AARSD1: variants seen among roughly 807,000 people sequenced by gnomAD.
AARSD1 encodes the protein alanyl-tRNA synthetase domain containing 1.
Under a neutral mutation model 48.7 loss-of-function variants are expected in AARSD1, and 44 were observed. The observed-to-expected ratio is 0.90, with a 90% CI of 0.71 to 1.16. The LOEUF (loss-of-function observed/expected upper bound fraction) is 1.16, where lower values mean the gene tolerates loss of function less well. AARSD1 is among the 50% of genes most tolerant of loss of function. The probability of loss-of-function intolerance (pLI) is 0.00; values close to 1 mark genes in which losing one functional copy is unlikely to be tolerated. For missense variants in AARSD1, 511 were observed against 523.1 expected (o/e 0.98, Z 0.23); for synonymous variants, 189 against 194.9 (o/e 0.97, Z 0.25).
chr17:42,960,453 G>T (rs906505280), intron 3 of AARSD1, among the ~76,000 whole-genome samples: 1 of 151,722 alleles, frequency 6.6e-6, no homozygotes, highest in Non-Finnish European at 1.5e-5. Context: ...CCAACATGCT[G>T]GGGGGGTGTG....
At chr17:42,954,558 C>T (rs2049521536) in intron 9 of AARSD1, among the ~76,000 whole-genome samples, 1 of 151,966 alleles carries the variant, frequency 6.6e-6, no homozygotes, top group Admixed American at 6.6e-5. Flanking sequence ...CCTCAGCCTC[C>T]TGAGTAGCTG....
intron 3 of AARSD1, among the ~76,000 whole-genome samples, chr17:42,958,266 C>A (rs1268213566): frequency 6.6e-6 from 1 of 152,094 alleles, no homozygotes; most frequent in Non-Finnish European, 1.5e-5. Flanking sequence ...CTTTGAGAGG[C>A]CAAGGCAAGT....
At chr17:42,956,091 G>A in intron 6 of AARSD1, 113 bp downstream of exon 6, 4 of 1,608,138 alleles carry the variant, frequency 2.5e-6, no homozygotes, top group Non-Finnish European at 3.4e-6. Context: ...AACAGTGAAG[G>A]GGAGATTTCA....
intron 6 of AARSD1, 94 bp from the exon 7 acceptor site, chr17:42,956,066 G>A (rs1366408536): frequency 1.2e-6 from 2 of 1,609,362 alleles, no homozygotes; most frequent in Non-Finnish European, 1.7e-6. Flanking sequence ...AAACCTATCT[G>A]TTCCTCAGCT....
Position 42,961,355 on chromosome 17 carries a change from G to A in AARSD1, c.172-4C>T. The A allele has an allele frequency of 2.5e-6, 4 of 1,613,996 alleles. No homozygotes were observed. In the South Asian group the frequency reaches 3.3e-5, roughly 13 times the overall value. On this transcript the variant is annotated splice_region_variant and splice_polypyrimidine_tract_variant and intron_variant, in intron 2 of 11. Transcript: ENST00000427569. ...TGATTGTACCACGGTCATCAGGCTG[G>A]TGGAAATAAGTAAACGTAATCAATG...
At position 42,951,930 on chromosome 17, in the gene AARSD1, GA is replaced by G. The variant is rs139606459; in HGVS notation, c.1009-37del. The G allele has an allele frequency of 3.4e-3, 5,524 of 1,607,118 alleles. 86 individuals carry two copies. Among genetic ancestry groups the G allele is most frequent in the African/African-American group, 0.03 (2,234 of 74,838 alleles). On this transcript the variant is annotated intron_variant, in intron 10 of 11. Coordinates refer to ENST00000427569, the MANE Select transcript of AARSD1 (RefSeq NM_001261434.2). ...AGACAAGGAGATAAGCTCTGATACT[GA>G]AGGATGTAGAGTCAACCCCCCAAAT... is the stretch of plus-strand genomic sequence containing the variant.
chr17:42,961,335 G>T lies in AARSD1; in HGVS notation c.188C>A (p.Thr63Lys). 1 of 1,614,078 alleles carries T rather than the reference G, an allele frequency of 6.2e-7. No individual in the cohort carries two copies. Among genetic ancestry groups the T allele is most frequent in the Non-Finnish European group, 8.5e-7 (1 of 1,179,986 alleles). Residue 63 changes from threonine (T) to lysine (K), a missense_variant, in exon 3 of 12, where the codon ACA (threonine) becomes AAA (lysine). By Grantham distance (78) the Thr-to-Lys change is moderately conservative (BLOSUM62 -1). Coordinates refer to ENST00000427569, the MANE Select transcript of AARSD1 (RefSeq NM_001261434.2). ...TCTCAGCACAGAGATGTCATTGATT[G>T]TACCACGGTCATCAGGCTGGTGGAA... ...EGGGQPDDRGTINDISVLRVT... is the reference protein window; with the variant it reads ...EGGGQPDDRGKINDISVLRVT...
At chr17:42,957,988 A>G (rs1183350852) in intron 3 of AARSD1, among the ~76,000 whole-genome samples, 2 of 152,098 alleles carry the variant, frequency 1.3e-5, no homozygotes, top group Non-Finnish European at 1.5e-5. Flanking sequence ...GCCTTAAGGA[A>G]GAAAGAAGTA....
chr17:42,955,716 C>T, intron 7 of AARSD1, 126 bp downstream of exon 7: 1 of 1,517,050 alleles, frequency 6.6e-7, no homozygotes, highest in East Asian at 2.3e-5. Context: ...GCTGGGATTA[C>T]AGATGTGGGC....
chr17:42,952,436 C>T (rs1350694699), intron 10 of AARSD1, among the ~76,000 whole-genome samples: 1 of 152,166 alleles, frequency 6.6e-6, no homozygotes, highest in Non-Finnish European at 1.5e-5. Flanking sequence ...TCTGTCTATA[C>T]AGAAGAATTA....
rs370491402 is a variant in AARSD1, at chr17:42,961,299, C to T, written c.224G>A (p.Arg75His). ...NDISVLRVTRRGEQADHFTQT... is the reference protein window; with the variant it reads ...NDISVLRVTRHGEQADHFTQT... Reference sequence around the variant, plus strand: ...GGTGAAATGATCAGCCTGTTCCCCACGGCGAGTCACTCTCAGCACAGAGAT... The same window carrying T: ...GGTGAAATGATCAGCCTGTTCCCCATGGCGAGTCACTCTCAGCACAGAGAT... Residue 75 changes from arginine (R) to histidine (H), a missense_variant, in exon 3 of 12, where the codon CGT (arginine) becomes CAT (histidine). Coordinates refer to ENST00000427569, the MANE Select transcript of AARSD1 (RefSeq NM_001261434.2). 4.5e-5 allele frequency: 72 copies of T among 1,614,036 alleles called. No individual in the cohort carries two copies. The highest frequency in any genetic ancestry group is 6.7e-5 in the East Asian group (3 of 44,898).
chr17:42,959,181 A>G (rs1215703158), intron 3 of AARSD1, among the ~76,000 whole-genome samples: 12 of 121,166 alleles, frequency 9.9e-5, no homozygotes, highest in African/African-American at 3.2e-4. Context: ...TGGGTGACAG[A>G]GCGAGACTTT....
At position 42,951,812 on chromosome 17, in the gene AARSD1, G is replaced by A. The variant is rs2049482483; in HGVS notation, c.1091C>T (p.Thr364Ile). Residue 364 changes from threonine to isoleucine, a missense_variant, in exon 11 of 12, where the codon ACC becomes ATC. Thr to Ile is a moderately conservative substitution (Grantham distance 89). Coordinates refer to ENST00000427569, the MANE Select transcript of AARSD1 (RefSeq NM_001261434.2). ...CACAAAGAATTACCTGGGCCCCAGG[G>A]TCTCCACAGACGCAGGTGGCCCTGC... ...LLAGPPASVE[T>I]LGPRVAEVLE... is the part of the protein sequence containing the mutation. 1.1e-5 allele frequency: 17 copies of A among 1,614,134 alleles called. No homozygotes were observed. Among genetic ancestry groups the A allele is most frequent in the Non-Finnish European group, 1.4e-5 (17 of 1,180,010 alleles).
intron 3 of AARSD1, 74 bp from the exon 4 acceptor site, chr17:42,957,269 C>T (rs2151941720): frequency 6.3e-7 from 1 of 1,583,166 alleles, no homozygotes; most frequent in Non-Finnish European, 8.6e-7. Flanking sequence ...ATATGAGCTA[C>T]AATGATAAAA....
chr17:42,953,646 G>T, intron 10 of AARSD1, 78 bp downstream of exon 10: 1 of 1,590,976 alleles, frequency 6.3e-7, no homozygotes, highest in Non-Finnish European at 8.6e-7. Flanking sequence ...GAGGGACTTT[G>T]GCTAAACTAG....
intron 6 of AARSD1, 44 bp downstream of exon 6, chr17:42,956,160 C>T (rs1314396705): frequency 1.9e-6 from 3 of 1,613,312 alleles, no homozygotes; most frequent in African/African-American, 2.7e-5. Flanking sequence ...TCCCCTCTCC[C>T]CCAATCCCTC....
chr17:42,959,801 C>A (rs1400226539), intron 3 of AARSD1, among the ~76,000 whole-genome samples: 1 of 151,758 alleles, frequency 6.6e-6, no homozygotes, highest in Non-Finnish European at 1.5e-5. Flanking sequence ...GCAGCTAGGA[C>A]TACAGGCGCG....
Position 42,955,844 on chromosome 17 carries a change from AAGCAG to A in AARSD1, c.787_791del (p.Leu263Ter). ...CGAAGGTACTGAAACAGGCATACTT[AAGCAG>A]AGCAGTCAGTGCTTTTTCAGTTCCA... On this transcript the variant is annotated frameshift_variant, in exon 7 of 12. Coordinates refer to ENST00000427569, the MANE Select transcript of AARSD1 (RefSeq NM_001261434.2). LOFTEE classifies it high-confidence loss of function. The A allele has an allele frequency of 6.2e-7, 1 of 1,614,104 alleles. No individual in the cohort carries two copies. Among genetic ancestry groups the A allele is most frequent in the Non-Finnish European group, 8.5e-7 (1 of 1,180,008 alleles).
chr17:42,963,852 T>C (rs1367065072), intron 2 of AARSD1, among the ~76,000 whole-genome samples: 1 of 152,190 alleles, frequency 6.6e-6, no homozygotes, highest in Non-Finnish European at 1.5e-5. Flanking sequence ...GCACACACAG[T>C]TGTCTTCAAT....
Sources: allele counts gnomAD v4.1 joint callset (sites outside exome capture counted in the v4.1 genomes callset), GRCh38; gene constraint gnomAD v4.1.1; transcripts MANE v1.5; gene names NCBI Gene and HGNC (gene_info 2026-07-23, HGNC 2026-07-21).